Variants in GABBR2 observed in about 807,000 individuals in gnomAD.
GABBR2 encodes gamma-aminobutyric acid type B receptor subunit 2.
GABBR2 carries 23 observed loss-of-function variants against 105.6 expected under a neutral mutation model. The observed-to-expected ratio is 0.22, with a 90% CI of 0.16 to 0.31. The LOEUF is 0.31. Among genes scored for constraint, GABBR2 ranks in the 10% least tolerant of loss-of-function variants. The pLI is 1.00. For synonymous variants in GABBR2, 478 were observed against 499.7 expected (o/e 0.96, Z 0.58); for missense variants, 734 against 1,245.5 (o/e 0.59, Z 6.18).
chr9:98,625,975 A>T (rs1829731347), intron 1 of GABBR2, among the ~76,000 whole-genome samples: 1 of 152,162 alleles, frequency 6.6e-6, no homozygotes, highest in East Asian at 1.9e-4. Flanking sequence ...GACAGAGCTT[A>T]AGACAGGGAA....
rs74503012 is a variant in GABBR2, at chr9:98,405,066, T to G, written c.1297+1015A>C. Among the ~76,000 whole-genome samples, 845 of 152,230 alleles carry G rather than the reference T, an allele frequency of 5.6e-3. 6 individuals carry two copies. Among genetic ancestry groups the G allele is most frequent in the African/African-American group, 0.02 (813 of 41,536 alleles). The stretch of plus-strand genomic sequence containing the variant: ...CTATCCAAAAAAATGCATACTGAAG[T>G]ATTTATAGAATGAGATGAGATCGTG... On this transcript the variant is annotated intron_variant, in intron 8 of 18. Coordinates refer to ENST00000259455, the MANE Select transcript of GABBR2 (RefSeq NM_005458.8).
intron 4 of GABBR2, among the ~76,000 whole-genome samples, chr9:98,491,187 A>G (rs1047639548): frequency 2.0e-5 from 3 of 152,220 alleles, no homozygotes; most frequent in South Asian, 2.1e-4. Context: ...AGCCTTATCT[A>G]TAGAAAAGGA....
intron 1 of GABBR2, among the ~76,000 whole-genome samples, chr9:98,648,116 T>TAGATAGATAGATAGATAGATAG (rs1554723459): frequency 2.9e-4 from 16 of 55,956 alleles, no homozygotes; most frequent in Admixed American, 4.3e-4. Context: ...TGTGTGTGTG[T>TAGATAGATAGATAGATAGATAG]ATAGATAGAT....
intron 1 of GABBR2, among the ~76,000 whole-genome samples, chr9:98,618,797 AC>A (rs1564132404): frequency 8.4e-4 from 26 of 30,822 alleles, no homozygotes; most frequent in African/African-American, 1.9e-3. Flanking sequence ...TGACAGAAAG[AC>A]TCCAGAAGAG....
intron 7 of GABBR2, among the ~76,000 whole-genome samples, chr9:98,434,119 C>T (rs139905368): frequency 1.8e-3 from 278 of 152,234 alleles, no homozygotes; most frequent in Middle Eastern, 3.4e-3. Context: ...GGCAGAAGAA[C>T]GTGAAAAGCC....
At chr9:98,486,384 G>C (rs1439761546) in intron 4 of GABBR2, among the ~76,000 whole-genome samples, 1 of 152,232 alleles carries the variant, frequency 6.6e-6, no homozygotes, top group East Asian at 1.9e-4. Flanking sequence ...ATGCAATCCT[G>C]AGCCACTGAA....
chr9:98,624,722 G>C (rs1829711559), intron 1 of GABBR2, among the ~76,000 whole-genome samples: 1 of 152,214 alleles, frequency 6.6e-6, no homozygotes, highest in Non-Finnish European at 1.5e-5. Context: ...GGCCTGCACA[G>C]GATGCGGAGG....
intron 6 of GABBR2, among the ~76,000 whole-genome samples, chr9:98,465,121 TAAAAAAA>T (rs57747633): frequency 4.4e-3 from 97 of 22,000 alleles, no homozygotes; most frequent in African/African-American, 0.016. Flanking sequence ...CAATAAATAC[TAAAAAAA>T]AAAAAAAAAA....
chr9:98,292,291 G>C (rs1830314279), intron 18 of GABBR2, among the ~76,000 whole-genome samples: 1 of 152,242 alleles, frequency 6.6e-6, no homozygotes, highest in Non-Finnish European at 1.5e-5. Flanking sequence ...CCATTATAAA[G>C]AAGAGGGAAG....
intron 1 of GABBR2, among the ~76,000 whole-genome samples, chr9:98,620,353 G>A (rs578054668): frequency 1.3e-5 from 2 of 151,126 alleles, no homozygotes; most frequent in East Asian, 3.9e-4. Context: ...ATCACCTAAC[G>A]TTAAGGACCG....
At chr9:98,503,822 C>T (rs886730703) in intron 3 of GABBR2, among the ~76,000 whole-genome samples, 1 of 152,076 alleles carries the variant, frequency 6.6e-6, no homozygotes, top group African/African-American at 2.4e-5. Context: ...TTTGGGACTA[C>T]ATGTTGGAAT....
chr9:98,606,479 T>C (rs1443489735), intron 1 of GABBR2, among the ~76,000 whole-genome samples: 1 of 90,324 alleles, frequency 1.1e-5, no homozygotes, highest in Non-Finnish European at 2.3e-5. Flanking sequence ...TATCTTTTTT[T>C]TTTCTTTTTT....
In GABBR2 at chr9:98,669,604, A is replaced by C. The variant is rs541354347; in HGVS notation, c.321+38813T>G. ...GTTTTAGAGCACAATGTTTTAATTA[A>C]CATAGCTTTATAAGTCATCCTATTA... On this transcript the variant is annotated intron_variant, in intron 1 of 18. Transcript: ENST00000259455. 3.0e-4 allele frequency among the ~76,000 whole-genome samples: 45 copies of C among 152,342 alleles called. 1 individual carries two copies. In the South Asian group the frequency reaches 6.8e-3, roughly 23 times the overall value.
intron 13 of GABBR2, among the ~76,000 whole-genome samples, chr9:98,358,845 G>A (rs1264665929): frequency 6.6e-6 from 1 of 152,138 alleles, no homozygotes. Context: ...CCAGAAGTCA[G>A]GACCTCCATC....
intron 1 of GABBR2, among the ~76,000 whole-genome samples, chr9:98,633,631 A>G (rs1375455112): frequency 6.6e-6 from 1 of 151,222 alleles, no homozygotes; most frequent in Non-Finnish European, 1.5e-5. Context: ...CATCTCAAAA[A>G]AAAAAAAAAA....
chr9:98,612,901 A>G (rs115160247), intron 1 of GABBR2, among the ~76,000 whole-genome samples: 209 of 152,314 alleles, frequency 1.4e-3, no homozygotes, highest in African/African-American at 4.8e-3. Context: ...ACTATAGTCA[A>G]GCTCACTATT....
At chr9:98,369,183 G>A (rs2131457773) in intron 12 of GABBR2, among the ~76,000 whole-genome samples, 1 of 152,362 alleles carries the variant, frequency 6.6e-6, no homozygotes, top group South Asian at 2.1e-4. Context: ...ACGGAGAGTT[G>A]TCATAAATGC....
At chr9:98,478,259 C>T (rs1027816845) in intron 5 of GABBR2, among the ~76,000 whole-genome samples, 1 of 152,182 alleles carries the variant, frequency 6.6e-6, no homozygotes, top group Non-Finnish European at 1.5e-5. Context: ...TGCTCTGACT[C>T]CAATAGAGAT....
rs1832850037 is a variant in GABBR2 at position 98,425,069 on chromosome 9, AG to A, written c.1237-18929del. On this transcript the variant is annotated intron_variant, in intron 7 of 18. Coordinates refer to ENST00000259455, the MANE Select transcript of GABBR2 (RefSeq NM_005458.8). ...AACAAAAGCACACTGCTTAATGAAAAGGAAGAAAAAAGAGGATATATATTAT... is the reference window on the plus strand; with the variant it reads ...AACAAAAGCACACTGCTTAATGAAAAGAAGAAAAAAGAGGATATATATTAT... Among the ~76,000 whole-genome samples, 3 of 152,176 alleles carry A rather than the reference AG, an allele frequency of 2.0e-5. No homozygotes were observed. The South Asian group carries it at 6.2e-4, about 32-fold the overall frequency.
Sources: allele counts gnomAD v4.1 joint callset (sites outside exome capture counted in the v4.1 genomes callset), GRCh38; gene constraint gnomAD v4.1.1; transcripts MANE v1.5; gene names NCBI Gene and HGNC (gene_info 2026-07-23, HGNC 2026-07-21).